Variants in CCDC187 observed in about 807,000 individuals in gnomAD.
The protein encoded by CCDC187 is coiled-coil domain-containing protein 187.
CCDC187 carries 32 observed loss-of-function variants against 38.0 expected under a neutral mutation model. That is an observed-to-expected ratio of 0.84 (90% CI 0.64 to 1.13). The LOEUF (loss-of-function observed/expected upper bound fraction) is 1.13. Among genes scored for constraint, CCDC187 ranks in the 50% most tolerant of loss-of-function variants. CCDC187 has a pLI of 0.00. For synonymous variants in CCDC187, 333 were observed against 347.9 expected, an observed-to-expected ratio of 0.96 and a Z score of 0.48; for missense variants, 707 against 786.8, an observed-to-expected ratio of 0.90 and a Z score of 1.21.
intron 17 of CCDC187, among the ~76,000 whole-genome samples, chr9:136,265,079 G>A (rs1830728289): frequency 6.6e-6 from 1 of 152,210 alleles, no homozygotes; most frequent in South Asian, 2.1e-4. Flanking sequence ...AAGGGTGTTA[G>A]CGCCAGCCTC....
At chr9:136,267,815 C>G in intron 15 of CCDC187, 2 of 980,766 alleles carry the variant, frequency 2.0e-6, no homozygotes, top group South Asian at 9.4e-5. Flanking sequence ...GGGGCTAACC[C>G]TGCCCAAAGC....
In CCDC187 at chr9:136,290,467, A is replaced by C. The variant is rs1361102462; in HGVS notation, c.2127+19T>G. ...CCCATGGCTGAGCCGAGTCCCCCCA[A>C]CCCAACCCCAGCATGTACCCCGGAC... On this transcript the variant is annotated intron_variant, in intron 6 of 25. Coordinates refer to ENST00000638797, the MANE Select transcript of CCDC187 (RefSeq NM_001378188.1). 3 of 398,146 alleles carry C rather than the reference A, an allele frequency of 7.5e-6. No homozygotes were observed. Among genetic ancestry groups the C allele is most frequent in the South Asian group, 2.5e-4 (2 of 7,850 alleles). The allele number at this position is 398,146 out of a possible 1,614,324, so 24.7% of individuals were successfully genotyped here.
intron 3 of CCDC187, among the ~76,000 whole-genome samples, 192 bp downstream of exon 3, chr9:136,300,028 A>G (rs1314550044): frequency 2.0e-5 from 3 of 152,174 alleles, no homozygotes; most frequent in Non-Finnish European, 4.4e-5. Context: ...CCCACTGGAG[A>G]GGCAGAGGGT....
In CCDC187 at chr9:136,253,342, A is replaced by C. The variant is rs111664582; in HGVS notation, c.*252T>G. ...GTCCGCCGATCATCACTTCCACGTC[A>C]CCAGCTGCCAACAGCCCTGACAGAC... On this transcript the variant is annotated 3_prime_UTR_variant, in exon 26 of 26. Coordinates refer to ENST00000638797, the MANE Select transcript of CCDC187 (RefSeq NM_001378188.1). 8,570 of 153,316 alleles carry C rather than the reference A, an allele frequency of 0.056. 262 individuals are homozygous for C. The highest frequency in any genetic ancestry group is 0.08 in the Middle Eastern group (24 of 300). 9.5% of individuals were successfully genotyped at this position (153,316 alleles called of 1,614,324 possible).
rs958998849 is a variant in CCDC187 at position 136,291,238 on chromosome 9, A to C, written c.1375T>G (p.Cys459Gly). 0.045 allele frequency: 17,837 copies of C among 398,338 alleles called. 521 individuals carry two copies. Among genetic ancestry groups the C allele is most frequent in the Admixed American group, 0.11 (2,600 of 22,742 alleles). The allele number at this position is 398,338 out of a possible 1,614,324, so 24.7% of individuals were successfully genotyped here. A position where few individuals can be genotyped will look rare whatever the true frequency, so the allele number is the denominator to read the frequency against. ...TGGGCCCCCCAGGCCCTCTGCGGAC[A>C]GGACTCCCGTGCAGTGGAGGAGCTC... The part of the protein sequence containing the change: ...PWSSSTARES[C>G]PQRAWGAQGQ... Residue 459 changes from cysteine (C) to glycine (G), a missense_variant, in exon 6 of 26, where the codon TGT becomes GGT. By Grantham distance (159) the Cys-to-Gly change is radical (BLOSUM62 -3). Coordinates refer to ENST00000638797, the MANE Select transcript of CCDC187 (RefSeq NM_001378188.1).
In CCDC187 at chr9:136,290,557, T is replaced by G; in HGVS notation, c.2056A>C (p.Arg686=). 2.5e-6 allele frequency: 1 copy of G among 399,012 alleles called. No homozygotes were observed. The allele number at this position is 399,012 out of a possible 1,614,324, so 24.7% of individuals were successfully genotyped here. Residue 686 remains arginine, a synonymous_variant, in exon 6 of 26, where the codon AGG becomes CGG. Transcript: ENST00000638797. ...YRQQREAVLG[R]AVPVVSRTTP... is the part of the protein sequence containing the mutation. ...GTCCGGGAGACCACGGGGACCGCCC[T>G]GCCGAGGACGGCCTCCCTCTGCTGC...
intron 19 of CCDC187, among the ~76,000 whole-genome samples, 152 bp from the exon 20 acceptor site, chr9:136,260,416 C>A (rs909276143): frequency 1.3e-4 from 19 of 150,992 alleles, no homozygotes; most frequent in African/African-American, 4.6e-4. Context: ...AAGCAGAAGA[C>A]GGGACTGTGA....
chr9:136,281,450 G>C, intron 10 of CCDC187, 101 bp downstream of exon 10: 1 of 398,502 alleles, frequency 2.5e-6, no homozygotes, highest in Admixed American at 4.4e-5. Flanking sequence ...TCTCTACCCC[G>C]TAGGGCCAAG....
Position 136,264,958 on chromosome 9 carries a change from C to A in CCDC187, c.3735+998G>T, listed in dbSNP as rs1244755624. The stretch of plus-strand genomic sequence containing the variant: ...GTAGAGACGGGGTCTTGCTATGTTG[C>A]CCAGGCCTGTCTCACATTCCTGGGC... On this transcript the variant is annotated intron_variant, in intron 17 of 25. Coordinates refer to ENST00000638797, the MANE Select transcript of CCDC187 (RefSeq NM_001378188.1). The surrounding 1 kb of genome is among the most constrained non-coding windows in gnomAD (Gnocchi z 4.3). 6.6e-6 allele frequency among the ~76,000 whole-genome samples: 1 copy of A among 152,152 alleles called. No homozygotes were observed. Among genetic ancestry groups the A allele is most frequent in the African/African-American group, 2.4e-5 (1 of 41,442 alleles).
At chr9:136,301,212 G>A (rs1448302075) in intron 2 of CCDC187, among the ~76,000 whole-genome samples, 1 of 152,206 alleles carries the variant, frequency 6.6e-6, no homozygotes. Flanking sequence ...GCAGGTTGGG[G>A]GAGGAAGGTA....
chr9:136,273,259 A>G (rs1343293424), intron 14 of CCDC187, among the ~76,000 whole-genome samples: 1 of 152,230 alleles, frequency 6.6e-6, no homozygotes, highest in African/African-American at 2.4e-5. Context: ...ATCCAACTCT[A>G]TGCTGCCTGT....
intron 4 of CCDC187, among the ~76,000 whole-genome samples, chr9:136,295,028 T>C (rs1265726322): frequency 2.0e-5 from 3 of 152,128 alleles, no homozygotes; most frequent in African/African-American, 7.2e-5. Flanking sequence ...GCACCTCCCA[T>C]AGGGCCACAA....
At chr9:136,261,973 G>A (rs544447173) in intron 19 of CCDC187, among the ~76,000 whole-genome samples, 1 of 152,140 alleles carries the variant, frequency 6.6e-6, no homozygotes. Context: ...CCAGGCTCTC[G>A]GGCAGCGGCC....
chr9:136,287,942 C>T (rs1831220328), intron 7 of CCDC187, among the ~76,000 whole-genome samples: 2 of 152,194 alleles, frequency 1.3e-5, no homozygotes, highest in South Asian at 4.1e-4. Flanking sequence ...GCAATCCTCC[C>T]ACCTCAGCCT....
rs1424938532 is a variant in CCDC187 at position 136,264,607 on chromosome 9, A to C, written c.3736-809T>G. Reference sequence around the variant, plus strand: ...CTCCGCCCCCAGCTCCCTTGCCTGTAATGCCCCATGCCTGACACCCCAGGT... The same window carrying C: ...CTCCGCCCCCAGCTCCCTTGCCTGTCATGCCCCATGCCTGACACCCCAGGT... On this transcript the variant is annotated intron_variant, in intron 17 of 25. Coordinates refer to ENST00000638797, the MANE Select transcript of CCDC187 (RefSeq NM_001378188.1). The surrounding 1 kb of genome is among the most constrained non-coding windows in gnomAD (Gnocchi z 4.3). 6.6e-6 allele frequency among the ~76,000 whole-genome samples: 1 copy of C among 151,966 alleles called. No individual in the cohort carries two copies. The highest frequency in any genetic ancestry group is 2.4e-5 in the African/African-American group (1 of 41,366).
intron 14 of CCDC187, among the ~76,000 whole-genome samples, chr9:136,274,076 G>A (rs1303424665): frequency 2.0e-5 from 3 of 152,234 alleles, no homozygotes; most frequent in African/African-American, 4.8e-5. Flanking sequence ...GCCGCTCAAA[G>A]GAGTGGAGGT....
chr9:136,250,982 G>A lies in CCDC187; in HGVS notation c.*2612C>T. 2.2e-6 allele frequency: 1 copy of A among 456,158 alleles called. No individual in the cohort carries two copies. The highest frequency in any genetic ancestry group is 4.4e-6 in the Non-Finnish European group (1 of 226,830). The allele number at this position is 456,158 out of a possible 1,614,324, so 28.3% of individuals were successfully genotyped here. ...GGGCCTTGGCAGCTCCGTGTGTCCT[G>A]TGACCTGGCATCTTAGGGCTTTGCC... On this transcript the variant is annotated 3_prime_UTR_variant, in exon 26 of 26. Transcript: ENST00000638797.
upstream of CCDC187, among the ~76,000 whole-genome samples, chr9:136,306,531 CT>C (rs1831806525): frequency 6.6e-6 from 1 of 152,152 alleles, no homozygotes; most frequent in Admixed American, 6.5e-5. Flanking sequence ...GTGGCAAATG[CT>C]TGATGACTTA....
At chr9:136,272,993 C>T (rs1322766629) in intron 14 of CCDC187, among the ~76,000 whole-genome samples, 2 of 152,160 alleles carry the variant, frequency 1.3e-5, no homozygotes, top group Non-Finnish European at 2.9e-5. Flanking sequence ...ATTATAAATC[C>T]TAAAGCAGCC....
Sources: gnomAD v4.1 joint callset for allele counts (sites outside exome capture counted in the v4.1 genomes callset) on GRCh38, gnomAD v4.1.1 for gene constraint, Gnocchi (gnomAD v3.1) non-coding constraint, MANE v1.5 for transcripts, NCBI Gene and HGNC (gene_info 2026-07-23, HGNC 2026-07-21) for gene names.